GALK2: variants seen among roughly 807,000 people sequenced by gnomAD.
GALK2 encodes galactokinase 2, also known as N-acetylgalactosamine kinase.
In GALK2, 36 loss-of-function variants were observed where a neutral mutation model predicts 52.4. The observed-to-expected ratio is 0.69, with a 90% CI of 0.53 to 0.91. The LOEUF (loss-of-function observed/expected upper bound fraction) is 0.91. Ranked by LOEUF, GALK2 falls within the 40% of genes least tolerant of loss-of-function variation. The pLI, the probability that GALK2 is intolerant of heterozygous loss-of-function variation, is 0.00. For missense variants in GALK2, 579 were observed against 559.1 expected (o/e 1.04, Z -0.36); for synonymous variants, 176 against 199.1 (o/e 0.88, Z 0.98).
At chr15:49,277,652 C>T (rs1261538152) in intron 5 of GALK2, among the ~76,000 whole-genome samples, 1 of 149,392 alleles carries the variant, frequency 6.7e-6, no homozygotes, top group Non-Finnish European at 1.5e-5. Flanking sequence ...AAAAATTAGC[C>T]GGGCGTGTTG....
intron 3 of GALK2, chr15:49,366,704 T>G (rs878976900): frequency 1.4e-6 from 2 of 1,379,348 alleles, no homozygotes. Flanking sequence ...GGGTGGCGGG[T>G]GGGGTGGCGC....
intron 2 of GALK2, among the ~76,000 whole-genome samples, chr15:49,202,590 A>G (rs1053407722): frequency 6.6e-6 from 1 of 152,132 alleles, no homozygotes; most frequent in African/African-American, 2.4e-5. Context: ...CATTTTAAAA[A>G]TCCATTCATC....
intron 3 of GALK2, among the ~76,000 whole-genome samples, chr15:49,361,165 C>G (rs546819455): frequency 4.0e-5 from 6 of 151,892 alleles, no homozygotes; most frequent in African/African-American, 1.4e-4. Context: ...ACTTTTTACC[C>G]CATAAATATA....
At chr15:49,227,816 T>C (rs563791858) in intron 3 of GALK2, among the ~76,000 whole-genome samples, 31 of 152,248 alleles carry the variant, frequency 2.0e-4, no homozygotes, top group African/African-American at 6.7e-4. Flanking sequence ...ACCAGTGGGC[T>C]TTATACTTTT....
At chr15:49,259,084 A>G (rs1414201194) in intron 5 of GALK2, among the ~76,000 whole-genome samples, 1 of 151,560 alleles carries the variant, frequency 6.6e-6, no homozygotes, top group Non-Finnish European at 1.5e-5. Flanking sequence ...ATTTTCTCCT[A>G]TTTTGTATAC....
At chr15:49,293,597 G>T (rs1453078273) in intron 8 of GALK2, among the ~76,000 whole-genome samples, 1 of 152,230 alleles carries the variant, frequency 6.6e-6, no homozygotes, top group Non-Finnish European at 1.5e-5. Context: ...GTTCTTTGCA[G>T]AAAATGTTTG....
At chr15:49,323,058 T>C (rs2037036345) in intron 9 of GALK2, among the ~76,000 whole-genome samples, 1 of 147,464 alleles carries the variant, frequency 6.8e-6, no homozygotes, top group South Asian at 2.1e-4. Context: ...GGGAATAAGA[T>C]AAAGGATGGA....
At chr15:49,181,144 T>A (rs2085940519) in intron 1 of GALK2, among the ~76,000 whole-genome samples, 1 of 140,022 alleles carries the variant, frequency 7.1e-6, no homozygotes, top group African/African-American at 2.7e-5. Context: ...AGGGTCTCAC[T>A]CTGTTGCCCA....
In GALK2 at chr15:49,319,633, A is replaced by T. The variant is rs1362129105; in HGVS notation, c.997A>T (p.Lys333Ter). Residue 333 changes from lysine (K) to a stop codon, truncating the protein, a stop_gained, in exon 9 of 10, where the codon AAG becomes TAG. Coordinates refer to ENST00000560031, the MANE Select transcript of GALK2 (RefSeq NM_002044.4). LOFTEE classifies it high-confidence loss of function. ...VLIFKLYQRAKHVYSEAARVL... is the reference protein window; with the variant it reads ...VLIFKLYQRA Reference sequence around the variant, plus strand: ...CATCTTCAAACTCTATCAGCGGGCAAAGCATGTGTACAGCGAGGCTGCGCG... The same window carrying T: ...CATCTTCAAACTCTATCAGCGGGCATAGCATGTGTACAGCGAGGCTGCGCG... 4.3e-6 allele frequency: 7 copies of T among 1,614,176 alleles called. No individual in the cohort carries two copies. Among genetic ancestry groups the T allele is most frequent in the Non-Finnish European group, 5.9e-6 (7 of 1,180,022 alleles).
At chr15:49,302,087 C>A (rs976283156) in intron 8 of GALK2, among the ~76,000 whole-genome samples, 4 of 152,140 alleles carry the variant, frequency 2.6e-5, no homozygotes, top group African/African-American at 9.7e-5. Context: ...TTGTCAAGAC[C>A]ACATAGGTGG....
intron 3 of GALK2, among the ~76,000 whole-genome samples, chr15:49,367,204 G>A (rs1018713576): frequency 7.9e-5 from 12 of 152,054 alleles, no homozygotes; most frequent in Non-Finnish European, 1.6e-4. Flanking sequence ...AAATATACTA[G>A]TTTTAAAAGT....
At chr15:49,165,120 G>A (rs1021292556) in intron 1 of GALK2, among the ~76,000 whole-genome samples, 4 of 152,160 alleles carry the variant, frequency 2.6e-5, no homozygotes, top group Non-Finnish European at 2.9e-5. Flanking sequence ...AGAAACATTT[G>A]TTAAATGAAT....
intron 3 of GALK2, chr15:49,235,499 G>A: frequency 2.5e-6 from 1 of 393,884 alleles, no homozygotes; most frequent in Non-Finnish European, 5.0e-6. Context: ...TCAGTTTGGG[G>A]GTGTGCCAAA....
intron 3 of GALK2, 65 bp downstream of exon 3, chr15:49,217,378 T>G: frequency 2.1e-6 from 3 of 1,440,056 alleles, no homozygotes; most frequent in Non-Finnish European, 2.8e-6. Context: ...ATGAACTCTT[T>G]AGGAGACATC....
intron 8 of GALK2, among the ~76,000 whole-genome samples, chr15:49,299,710 C>G (rs962263556): frequency 3.9e-5 from 1 of 25,368 alleles, no homozygotes; most frequent in Non-Finnish European, 8.5e-5. Context: ...CTTGGTATTG[C>G]TTTCTTTCTT....
intron 3 of GALK2, chr15:49,343,747 T>C (rs773084218): frequency 2.0e-5 from 3 of 152,218 alleles, no homozygotes; most frequent in Non-Finnish European, 4.4e-5. Flanking sequence ...TTTCAACTTA[T>C]TGTTCTGGCA....
upstream of GALK2, among the ~76,000 whole-genome samples, chr15:49,165,368 C>T (rs1401969639): frequency 6.6e-6 from 1 of 152,118 alleles, no homozygotes; most frequent in Non-Finnish European, 1.5e-5. Context: ...TTCAGACTTG[C>T]CTAGGGTCAC....
At chr15:49,209,867 T>A (rs1169137560) in intron 2 of GALK2, among the ~76,000 whole-genome samples, 3 of 152,192 alleles carry the variant, frequency 2.0e-5, no homozygotes, top group Non-Finnish European at 4.4e-5. Flanking sequence ...TTCAAAGAAT[T>A]CCCCGCCTTT....
intron 3 of GALK2, among the ~76,000 whole-genome samples, chr15:49,340,313 T>C (rs986421824): frequency 2.6e-5 from 4 of 152,004 alleles, no homozygotes; most frequent in Non-Finnish European, 4.4e-5. Flanking sequence ...GTATCTGGGC[T>C]GGAGTACACG....
Sources: gnomAD v4.1 joint callset for allele counts (sites outside exome capture counted in the v4.1 genomes callset) on GRCh38, gnomAD v4.1.1 for gene constraint, MANE v1.5 for transcripts, NCBI Gene and HGNC (gene_info 2026-07-23, HGNC 2026-07-21) for gene names.